Variants in AGBL1 observed in about 807,000 individuals in gnomAD.
AGBL1 encodes the protein AGBL carboxypeptidase 1, also known as cytosolic carboxypeptidase 4.
In AGBL1, 130 loss-of-function variants were observed where a neutral mutation model predicts 118.9. The ratio of observed to expected loss-of-function variants is 1.09; its 90% confidence interval spans 0.95 to 1.26. AGBL1 has a LOEUF of 1.26. Ranked by LOEUF, AGBL1 falls within the 50% of genes most tolerant of loss-of-function variation. The pLI is 0.00. For synonymous variants in AGBL1, 555 were observed against 478.9 expected (o/e 1.16, Z -2.08); for missense variants, 1,584 against 1,298.1 (o/e 1.22, Z -3.38).
intron 22 of AGBL1, among the ~76,000 whole-genome samples, chr15:86,711,312 T>C (rs1370547935): frequency 1.3e-5 from 2 of 152,174 alleles, no homozygotes; most frequent in African/African-American, 4.8e-5. Flanking sequence ...TCCAACAAGA[T>C]CAATGAAAGC....
intron 18 of AGBL1, among the ~76,000 whole-genome samples, chr15:86,514,135 AACAC>A (rs3084321): frequency 2.1e-3 from 313 of 149,152 alleles, no homozygotes; most frequent in East Asian, 0.016. Context: ...TACACACACA[AACAC>A]ACACACACAC....
At chr15:87,003,824 T>C (rs531711101) in intron 24 of AGBL1, among the ~76,000 whole-genome samples, 221 of 152,280 alleles carry the variant, frequency 1.5e-3, no homozygotes, top group African/African-American at 5.0e-3. Context: ...GGTGGTGATA[T>C]CCGCTTTATC....
intron 22 of AGBL1, among the ~76,000 whole-genome samples, chr15:86,791,886 G>A (rs561207557): frequency 3.3e-5 from 5 of 152,026 alleles, no homozygotes; most frequent in African/African-American, 1.2e-4. Context: ...AAAGGTGTGT[G>A]CCACCACACC....
At chr15:86,109,927 T>G (rs1248825167) in intron 1 of AGBL1, 2 of 152,178 alleles carry the variant, frequency 1.3e-5, no homozygotes, top group African/African-American at 4.8e-5. Context: ...TTTCTGCAAA[T>G]CATACAAATA....
chr15:86,281,336 T>A (rs1038411623), intron 16 of AGBL1, among the ~76,000 whole-genome samples: 5 of 152,036 alleles, frequency 3.3e-5, no homozygotes, highest in Non-Finnish European at 7.4e-5. Flanking sequence ...TGAGCCAGGA[T>A]CACACAACTG....
intron 5 of AGBL1, among the ~76,000 whole-genome samples, chr15:86,211,658 A>G (rs994089928): frequency 6.6e-6 from 1 of 152,234 alleles, no homozygotes; most frequent in Non-Finnish European, 1.5e-5. Context: ...GGCATGGGAT[A>G]TAATCTCCTG....
At chr15:86,665,356 G>A (rs1326838760) in intron 21 of AGBL1, among the ~76,000 whole-genome samples, 1 of 71,792 alleles carries the variant, frequency 1.4e-5, no homozygotes, top group African/African-American at 4.6e-5. Flanking sequence ...TGGAAAGACT[G>A]CAGTCTATCA....
intron 1 of AGBL1, among the ~76,000 whole-genome samples, chr15:86,087,150 T>C (rs1895712806): frequency 6.6e-6 from 1 of 152,222 alleles, no homozygotes; most frequent in Non-Finnish European, 1.5e-5. Flanking sequence ...TATTTGTTAG[T>C]TGAAAGTGAT....
chr15:86,886,346 T>C (rs2079970887), intron 22 of AGBL1, among the ~76,000 whole-genome samples: 1 of 152,254 alleles, frequency 6.6e-6, no homozygotes, highest in Non-Finnish European at 1.5e-5. Context: ...CTATCACTTT[T>C]GCAGTTTAAC....
chr15:87,012,413 C>T (rs890397538), intron 24 of AGBL1, among the ~76,000 whole-genome samples: 2 of 151,962 alleles, frequency 1.3e-5, no homozygotes, highest in Admixed American at 6.6e-5. Context: ...TGTATTTAAC[C>T]TCAATTACTG....
chr15:86,822,762 G>A (rs1338743070), intron 22 of AGBL1, among the ~76,000 whole-genome samples: 1 of 152,124 alleles, frequency 6.6e-6, no homozygotes, highest in Non-Finnish European at 1.5e-5. Context: ...GGCAAGACAA[G>A]ATAGTGGATT....
At chr15:86,314,670 G>C (rs1344838922) in intron 17 of AGBL1, among the ~76,000 whole-genome samples, 2 of 152,108 alleles carry the variant, frequency 1.3e-5, no homozygotes, top group Non-Finnish European at 2.9e-5. Context: ...GGAATGAATT[G>C]GAGCTCCCGC....
intron 17 of AGBL1, among the ~76,000 whole-genome samples, chr15:86,370,405 A>G (rs1018807971): frequency 6.6e-6 from 1 of 151,336 alleles, no homozygotes. Flanking sequence ...CCCGGGTTCA[A>G]GTGATTTTTC....
chr15:86,112,726 G>A (rs1444298909), intron 1 of AGBL1, among the ~76,000 whole-genome samples: 1 of 152,188 alleles, frequency 6.6e-6, no homozygotes, highest in Non-Finnish European at 1.5e-5. Context: ...GTAGGAGAAT[G>A]CCTATTTCTT....
intron 18 of AGBL1, among the ~76,000 whole-genome samples, chr15:86,444,591 G>T (rs1338416233): frequency 6.6e-6 from 1 of 152,166 alleles, no homozygotes; most frequent in Non-Finnish European, 1.5e-5. Flanking sequence ...AAGAACCAAG[G>T]TGGTTCTTAG....
intron 1 of AGBL1, among the ~76,000 whole-genome samples, chr15:86,121,651 T>A (rs890053516): frequency 6.6e-6 from 1 of 152,226 alleles, no homozygotes; most frequent in African/African-American, 2.4e-5. Flanking sequence ...AGAATCCTCA[T>A]GGATTCTAAG....
At chr15:86,622,095 A>G (rs1208589795) in intron 21 of AGBL1, among the ~76,000 whole-genome samples, 2 of 152,166 alleles carry the variant, frequency 1.3e-5, no homozygotes, top group Non-Finnish European at 2.9e-5. Context: ...TGGGAGGCTG[A>G]GGCGGGCTGA....
chr15:86,411,333 A>G (rs903342289), intron 18 of AGBL1, among the ~76,000 whole-genome samples: 1 of 152,064 alleles, frequency 6.6e-6, no homozygotes, highest in African/African-American at 2.4e-5. Context: ...AGAAAAGTGC[A>G]CCTATCAGGA....
At chr15:86,183,971 G>A (rs1043950665) in intron 5 of AGBL1, among the ~76,000 whole-genome samples, 1 of 152,166 alleles carries the variant, frequency 6.6e-6, no homozygotes, top group African/African-American at 2.4e-5. Flanking sequence ...CAGCACACTC[G>A]TGCCTGCCTG....
Sources: allele counts gnomAD v4.1 joint callset (sites outside exome capture counted in the v4.1 genomes callset), GRCh38; gene constraint gnomAD v4.1.1; transcripts MANE v1.5; gene names NCBI Gene and HGNC (gene_info 2026-07-23, HGNC 2026-07-21).